PDZD8: variants seen among roughly 807,000 people sequenced by gnomAD.
PDZD8 encodes PDZ domain-containing protein 8.
A neutral mutation model predicts 85.8 loss-of-function variants in PDZD8; 14 were observed. That is an observed-to-expected ratio of 0.16 (90% CI 0.11 to 0.26). The LOEUF is 0.26. Among genes scored for constraint, PDZD8 ranks in the 10% least tolerant of loss-of-function variants. The pLI, the probability that PDZD8 is intolerant of heterozygous loss-of-function variation, is 1.00. For synonymous variants in PDZD8, 592 were observed against 568.6 expected (o/e 1.04, Z -0.59); for missense variants, 1,197 against 1,424.3 (o/e 0.84, Z 2.57).
chr10:117,301,724 C>G (rs1266983820), intron 3 of PDZD8, among the ~76,000 whole-genome samples: 1 of 152,222 alleles, frequency 6.6e-6, no homozygotes, highest in Non-Finnish European at 1.5e-5. Flanking sequence ...GCTAAATTTC[C>G]TATTTTACCA....
intron 1 of PDZD8, among the ~76,000 whole-genome samples, chr10:117,350,263 TGTTTC>T (rs1234435546): frequency 2.9e-4 from 37 of 126,006 alleles, no homozygotes; most frequent in Non-Finnish European, 4.8e-4. Context: ...TTTGTTTGTT[TGTTTC>T]TTTTTTTTTT....
chr10:117,371,325 C>T (rs941305783), intron 1 of PDZD8, among the ~76,000 whole-genome samples: 2 of 152,122 alleles, frequency 1.3e-5, no homozygotes, highest in Non-Finnish European at 1.5e-5. Context: ...GCTGGGATTA[C>T]AGGCGCCCGC....
intron 2 of PDZD8, among the ~76,000 whole-genome samples, chr10:117,332,909 G>C (rs181437): frequency 6.6e-6 from 1 of 151,260 alleles, no homozygotes; most frequent in East Asian, 2.0e-4. Context: ...CTTGAGGTCA[G>C]GAGTTTGAGA....
intron 1 of PDZD8, among the ~76,000 whole-genome samples, chr10:117,361,438 G>A (rs1226896313): frequency 3.3e-5 from 5 of 152,102 alleles, no homozygotes; most frequent in Non-Finnish European, 7.4e-5. Flanking sequence ...AATCTCTTCT[G>A]AAGTCTTGTG....
chr10:117,373,639 G>A (rs1845234656), intron 1 of PDZD8, among the ~76,000 whole-genome samples: 2 of 149,260 alleles, frequency 1.3e-5, no homozygotes, highest in Admixed American at 1.3e-4. Context: ...AATCAGCAAG[G>A]CGTGGTGCCA....
At chr10:117,371,194 T>C (rs1426017164) in intron 1 of PDZD8, among the ~76,000 whole-genome samples, 1 of 152,178 alleles carries the variant, frequency 6.6e-6, no homozygotes, top group Non-Finnish European at 1.5e-5. Flanking sequence ...TATTTACTTA[T>C]TTATTTTGGA....
intron 1 of PDZD8, among the ~76,000 whole-genome samples, chr10:117,371,120 T>C (rs957627713): frequency 1.3e-5 from 2 of 152,226 alleles, no homozygotes; most frequent in African/African-American, 2.4e-5. Flanking sequence ...CTTAGATGTA[T>C]TGTAATTCAT....
rs575555360 is a variant in PDZD8 at position 117,282,480 on chromosome 10, C to A, written c.*788G>T. The A allele has an allele frequency of 5.3e-5, 8 of 152,138 alleles. No homozygotes were observed. The highest frequency in any genetic ancestry group is 1.0e-4 in the Non-Finnish European group (7 of 67,986). 9.4% of individuals were successfully genotyped at this position (152,138 alleles called of 1,614,324 possible). A position where few individuals can be genotyped will look rare whatever the true frequency, so the allele number is the denominator to read the frequency against. ...TTTTTCAGTAATTAAGTCTTGTTAT[C>A]CTCTCTACAAAATTCTTGACCAACT... On this transcript the variant is annotated 3_prime_UTR_variant, in exon 5 of 5. Transcript: ENST00000334464.
chr10:117,299,151 C>T (rs1003245922), intron 3 of PDZD8, among the ~76,000 whole-genome samples: 9 of 152,122 alleles, frequency 5.9e-5, no homozygotes, highest in Non-Finnish European at 8.8e-5. Context: ...CATCTATAGA[C>T]GTTTTCACTC....
intron 1 of PDZD8, among the ~76,000 whole-genome samples, chr10:117,371,427 C>A (rs1057201986): frequency 5.9e-5 from 9 of 152,134 alleles, no homozygotes; most frequent in Admixed American, 3.3e-4. Context: ...TTAAGTAATC[C>A]GCCTGTCTCA....
At chr10:117,366,591 T>C (rs1222289093) in intron 1 of PDZD8, among the ~76,000 whole-genome samples, 5 of 128,280 alleles carry the variant, frequency 3.9e-5, no homozygotes, top group East Asian at 2.8e-4. Flanking sequence ...GTCACCACCA[T>C]TACCACCACC....
At chr10:117,314,832 A>AT (rs1385949195) in intron 3 of PDZD8, among the ~76,000 whole-genome samples, 8 of 152,146 alleles carry the variant, frequency 5.3e-5, no homozygotes, top group Admixed American at 1.3e-4. Flanking sequence ...TATTGTTTGG[A>AT]TTTTCAACCT....
chr10:117,333,217 C>G (rs1408170827), intron 2 of PDZD8, among the ~76,000 whole-genome samples: 1 of 150,854 alleles, frequency 6.6e-6, no homozygotes, highest in Non-Finnish European at 1.5e-5. Context: ...GATTCAAATT[C>G]CAGTGGTACT....
chr10:117,362,318 T>C (rs906568279), intron 1 of PDZD8, among the ~76,000 whole-genome samples: 1 of 152,140 alleles, frequency 6.6e-6, no homozygotes, highest in African/African-American at 2.4e-5. Flanking sequence ...AATAATGCCA[T>C]CTTACATTTA....
intron 3 of PDZD8, 36 bp from the exon 4 acceptor site, chr10:117,290,384 A>G: frequency 6.6e-7 from 1 of 1,515,882 alleles, no homozygotes; most frequent in Non-Finnish European, 9.1e-7. Flanking sequence ...AACTGATTCA[A>G]TGGATTCCTA....
At chr10:117,350,995 T>C (rs879795603) in intron 1 of PDZD8, among the ~76,000 whole-genome samples, 1 of 152,154 alleles carries the variant, frequency 6.6e-6, no homozygotes, top group Non-Finnish European at 1.5e-5. Context: ...CTGATTTTCA[T>C]CATAAGTTCT....
chr10:117,290,076 G>T, intron 4 of PDZD8, 110 bp downstream of exon 4: 1 of 871,704 alleles, frequency 1.1e-6, no homozygotes, highest in Non-Finnish European at 1.7e-6. Context: ...CATTATAAAA[G>T]TGACATATGC....
intron 2 of PDZD8, among the ~76,000 whole-genome samples, chr10:117,332,380 A>G (rs1352006415): frequency 6.6e-6 from 1 of 152,180 alleles, no homozygotes; most frequent in African/African-American, 2.4e-5. Context: ...GATCTTTCTG[A>G]AAAGGTAATT....
intron 3 of PDZD8, chr10:117,314,088 T>G (rs1844083499): frequency 6.6e-6 from 1 of 152,186 alleles, no homozygotes; most frequent in Non-Finnish European, 1.5e-5. Context: ...TGGCTCTTTG[T>G]ATATGGGAAG....
Sources: gnomAD v4.1 joint callset for allele counts (sites outside exome capture counted in the v4.1 genomes callset) on GRCh38, gnomAD v4.1.1 for gene constraint, MANE v1.5 for transcripts, NCBI Gene and HGNC (gene_info 2026-07-23, HGNC 2026-07-21) for gene names.